TBC1D5: variants seen among roughly 807,000 people sequenced by gnomAD.
TBC1D5 encodes TBC1 domain family member 5.
A neutral mutation model predicts 100.3 loss-of-function variants in TBC1D5; 75 were observed. That is an observed-to-expected ratio of 0.75 (90% CI 0.62 to 0.91). The LOEUF is 0.91. Ranked by LOEUF, TBC1D5 falls within the 40% of genes least tolerant of loss-of-function variation. The pLI is 0.00. For synonymous variants in TBC1D5, 323 were observed against 325.6 expected (o/e 0.99, Z 0.09); for missense variants, 910 against 942.4 (o/e 0.97, Z 0.45).
intron 15 of TBC1D5, among the ~76,000 whole-genome samples, chr3:17,282,652 T>C (rs2080736929): frequency 6.6e-6 from 1 of 152,160 alleles, no homozygotes; most frequent in Non-Finnish European, 1.5e-5. Context: ...CTGCCCCAAA[T>C]AAAAATCACT....
chr3:17,589,007 T>C (rs9755836), intron 2 of TBC1D5, among the ~76,000 whole-genome samples: 4,296 of 152,274 alleles, frequency 0.028, 202 homozygotes, highest in African/African-American at 0.096. Context: ...ACATTCCACA[T>C]AGTAAACATA....
At chr3:17,253,686 C>T (rs1164929138) in intron 16 of TBC1D5, among the ~76,000 whole-genome samples, 1 of 152,188 alleles carries the variant, frequency 6.6e-6, no homozygotes, top group Non-Finnish European at 1.5e-5. Context: ...ATTTCTATCA[C>T]CACATGCTAG....
At chr3:17,256,144 G>A (rs1043348902) in intron 16 of TBC1D5, among the ~76,000 whole-genome samples, 1 of 151,980 alleles carries the variant, frequency 6.6e-6, no homozygotes, top group African/African-American at 2.4e-5. Context: ...TTTTATGTTT[G>A]CTTGTTTCAG....
chr3:17,408,795 A>C (rs1044001507), intron 4 of TBC1D5, among the ~76,000 whole-genome samples: 8 of 152,118 alleles, frequency 5.3e-5, no homozygotes, highest in Non-Finnish European at 1.0e-4. Context: ...GTGTATAATT[A>C]AGATCTAACA....
At chr3:17,211,552 T>C (rs755873269) in intron 18 of TBC1D5, among the ~76,000 whole-genome samples, 6 of 152,178 alleles carry the variant, frequency 3.9e-5, no homozygotes, top group South Asian at 2.1e-4. Context: ...TGACCAGTTG[T>C]CATGTCTTCA....
intron 13 of TBC1D5, among the ~76,000 whole-genome samples, chr3:17,365,698 G>C (rs1388680884): frequency 6.6e-6 from 1 of 152,140 alleles, no homozygotes; most frequent in African/African-American, 2.4e-5. Context: ...TTTCTAATCA[G>C]TACTAACAAG....
At chr3:17,597,085 T>C (rs949743436) in intron 2 of TBC1D5, among the ~76,000 whole-genome samples, 3 of 152,220 alleles carry the variant, frequency 2.0e-5, no homozygotes, top group Admixed American at 6.5e-5. Context: ...AAGGCTTATC[T>C]GTGAAGTTAT....
At chr3:17,223,549 C>T (rs2596669) in intron 17 of TBC1D5, among the ~76,000 whole-genome samples, 62,211 of 151,990 alleles carry the variant, frequency 0.41, 13,435 homozygotes, top group Middle Eastern at 0.49. Context: ...AAGTTAAACC[C>T]AGATTTGTCC....
intron 3 of TBC1D5, among the ~76,000 whole-genome samples, chr3:17,493,754 C>T (rs1328583277): frequency 1.3e-5 from 2 of 152,128 alleles, no homozygotes; most frequent in African/African-American, 4.8e-5. Context: ...AAAGTTCTCG[C>T]CCTGCATTTT....
intron 17 of TBC1D5, among the ~76,000 whole-genome samples, chr3:17,236,743 G>A (rs1576187628): frequency 6.6e-6 from 1 of 152,182 alleles, no homozygotes; most frequent in South Asian, 2.1e-4. Flanking sequence ...GCCTCCCAAA[G>A]TGCTGGGATT....
At chr3:17,717,136 A>G (rs767623094) in intron 1 of TBC1D5, among the ~76,000 whole-genome samples, 1 of 152,168 alleles carries the variant, frequency 6.6e-6, no homozygotes, top group Non-Finnish European at 1.5e-5. Context: ...CAGTACAAGT[A>G]AAATTTCAGA....
chr3:17,343,255 A>G (rs1251471525), intron 13 of TBC1D5, among the ~76,000 whole-genome samples: 3 of 152,004 alleles, frequency 2.0e-5, no homozygotes, highest in Non-Finnish European at 4.4e-5. Context: ...TTCTGTTTAT[A>G]TGCTGTATTA....
intron 3 of TBC1D5, among the ~76,000 whole-genome samples, chr3:17,433,445 G>A (rs2094479440): frequency 6.6e-6 from 1 of 152,166 alleles, no homozygotes; most frequent in South Asian, 2.1e-4. Context: ...ATGGCATGAA[G>A]GAGAAGTACA....
chr3:17,255,897 G>A (rs954753890), intron 16 of TBC1D5, among the ~76,000 whole-genome samples: 2 of 152,100 alleles, frequency 1.3e-5, no homozygotes, highest in East Asian at 1.9e-4. Flanking sequence ...TTAGCCAGGC[G>A]TGGCAGCGTG....
intron 2 of TBC1D5, among the ~76,000 whole-genome samples, chr3:17,604,244 G>C (rs2061190209): frequency 6.6e-6 from 1 of 152,102 alleles, no homozygotes. Flanking sequence ...ACATGCAGGA[G>C]CCACTGTGCC....
chr3:17,565,419 A>G (rs2096587343), intron 2 of TBC1D5, among the ~76,000 whole-genome samples: 1 of 152,154 alleles, frequency 6.6e-6, no homozygotes, highest in Non-Finnish European at 1.5e-5. Flanking sequence ...TAACAATTAC[A>G]GAAAAAGTAA....
chr3:17,249,094 T>C (rs1221997844), intron 16 of TBC1D5, among the ~76,000 whole-genome samples: 3 of 152,230 alleles, frequency 2.0e-5, no homozygotes, highest in African/African-American at 7.2e-5. Context: ...GGTTTTGGCA[T>C]AAGGGAATGT....
intron 1 of TBC1D5, among the ~76,000 whole-genome samples, chr3:17,738,401 A>T (rs11915971): frequency 0.55 from 82,072 of 149,178 alleles, 22,967 homozygotes; most frequent in East Asian, 0.93. Flanking sequence ...ACACACACAC[A>T]CTCTCTCTCT....
intron 13 of TBC1D5, among the ~76,000 whole-genome samples, chr3:17,322,795 G>A (rs1011358832): frequency 7.2e-5 from 11 of 152,064 alleles, no homozygotes; most frequent in African/African-American, 2.4e-4. Flanking sequence ...AACAGAAAAC[G>A]AACTACTACA....
Sources: allele counts gnomAD v4.1 joint callset (sites outside exome capture counted in the v4.1 genomes callset), GRCh38; gene constraint gnomAD v4.1.1; transcripts MANE v1.5; gene names NCBI Gene and HGNC (gene_info 2026-07-23, HGNC 2026-07-21).